The following DAGLA variants were observed in gnomAD, a reference collection of about 807,000 sequenced individuals.
The protein encoded by DAGLA is diacylglycerol lipase alpha.
A neutral mutation model predicts 102.6 loss-of-function variants in DAGLA; 22 were observed. The ratio of observed to expected loss-of-function variants is 0.21; its 90% CI spans 0.15 to 0.31. DAGLA has a LOEUF of 0.31. Ranked by LOEUF, DAGLA falls within the 10% of genes least tolerant of loss-of-function variation. The pLI is 1.00. For synonymous variants in DAGLA, 578 were observed against 628.9 expected (o/e 0.92, Z 1.21); for missense variants, 927 against 1,446.6 (o/e 0.64, Z 5.83).
At position 61,744,555 on chromosome 11, in the gene DAGLA, G is replaced by C. The variant is rs1299705811; in HGVS notation, c.*66G>C. 7.2e-7 allele frequency: 1 copy of C among 1,383,366 alleles called. No individual in the cohort carries two copies. Among genetic ancestry groups the C allele is most frequent in the African/African-American group, 1.4e-5 (1 of 69,094 alleles). 85.7% of individuals were successfully genotyped at this position (1,383,366 alleles called of 1,614,324 possible). ...GTGGCCCTGTGGGCACCTGGTGCCT[G>C]CCCCCTGCCGGGCAGCTTTAAGGAC... is the stretch of plus-strand genomic sequence containing the variant. On this transcript the variant is annotated 3_prime_UTR_variant, in exon 20 of 20. Transcript: ENST00000257215.
At chr11:61,693,540 G>T (rs2065040754) in intron 1 of DAGLA, among the ~76,000 whole-genome samples, 1 of 151,786 alleles carries the variant, frequency 6.6e-6, no homozygotes, top group Non-Finnish European at 1.5e-5. Context: ...GTGGAGACCG[G>T]GTTTCACCAT....
chr11:61,739,610 CG>C lies in DAGLA; in HGVS notation c.1803del (p.Gly603AlafsTer38). ...CTCTCAGCCAGCACTCCACTCTACC[CG>C]CCCGGCCGCATCATCCACGTGGTCC... ...IALSASTPLYPPGRIIHVVHN... is the reference protein window; with the variant it reads ...IALSASTPLYXPGRIIHVVHN... On this transcript the variant is annotated frameshift_variant, in exon 17 of 20. Coordinates refer to ENST00000257215, the MANE Select transcript of DAGLA (RefSeq NM_006133.3). LOFTEE classifies it high-confidence loss of function. 1 of 1,614,130 alleles carries C rather than the reference CG, an allele frequency of 6.2e-7. No individual in the cohort carries two copies. Among genetic ancestry groups the C allele is most frequent in the Non-Finnish European group, 8.5e-7 (1 of 1,180,014 alleles).
At chr11:61,688,056 C>A (rs1210021095) in intron 1 of DAGLA, among the ~76,000 whole-genome samples, 1 of 152,148 alleles carries the variant, frequency 6.6e-6, no homozygotes, top group Non-Finnish European at 1.5e-5. Flanking sequence ...GTGGCTCACA[C>A]CTGTAATCCC....
intron 19 of DAGLA, among the ~76,000 whole-genome samples, chr11:61,742,870 A>C (rs1326459383): frequency 6.7e-6 from 1 of 148,914 alleles, no homozygotes; most frequent in African/African-American, 2.5e-5. Context: ...CAGGCTCATG[A>C]GTGATCTGGG....
At chr11:61,726,444 G>A (rs1376363115) in intron 6 of DAGLA, among the ~76,000 whole-genome samples, 2 of 152,250 alleles carry the variant, frequency 1.3e-5, no homozygotes, top group Non-Finnish European at 1.5e-5. Context: ...TGGCAAAGCC[G>A]ATAGGCGTTT....
chr11:61,726,190 AG>A (rs983038192), intron 6 of DAGLA, 108 bp downstream of exon 6: 24 of 1,071,936 alleles, frequency 2.2e-5, no homozygotes, highest in Middle Eastern at 2.2e-4. Flanking sequence ...GGTGGGAAGG[AG>A]CTGGGTTTCC....
At chr11:61,715,660 T>C (rs2065230552) in intron 1 of DAGLA, among the ~76,000 whole-genome samples, 1 of 152,222 alleles carries the variant, frequency 6.6e-6, no homozygotes, top group Non-Finnish European at 1.5e-5. Context: ...TCAGGGCTTC[T>C]GTTTGCTCAC....
chr11:61,743,188 C>T (rs545523582), intron 19 of DAGLA, among the ~76,000 whole-genome samples: 1 of 152,080 alleles, frequency 6.6e-6, no homozygotes, highest in East Asian at 1.9e-4. Flanking sequence ...CATGGTGAAA[C>T]CCCATCTCTA....
Position 61,690,002 on chromosome 11 carries a change from G to A in DAGLA, c.-45+9498G>A, listed in dbSNP as rs551897236. ...TTCCATGCCATCCTCTCTGGTCTGG[G>A]CAGCCTCTCCAGGGCAATGGGAGTG... On this transcript the variant is annotated intron_variant, in intron 1 of 19. Coordinates refer to ENST00000257215, the MANE Select transcript of DAGLA (RefSeq NM_006133.3). Among the ~76,000 whole-genome samples, 7 of 152,146 alleles carry A rather than the reference G, an allele frequency of 4.6e-5. No homozygotes were observed. The South Asian group carries it at 1.5e-3, about 32-fold the overall frequency.
chr11:61,728,265 A>T lies in DAGLA; in HGVS notation c.749A>T (p.Lys250Met), dbSNP rs2065346599. ...CTGCTCCGGCAGCGGCAGCGGGCCA[A>T]GCGCAACGCCGTGCTGGACGAGGTG... Reference protein sequence around the residue: ...LVLLRQRQRAKRNAVLDEANN... With the variant: ...LVLLRQRQRAMRNAVLDEANN... Residue 250 changes from lysine to methionine, a missense_variant, in exon 7 of 20, where the codon AAG becomes ATG. Lys to Met is a moderately conservative substitution (Grantham distance 95). Transcript: ENST00000257215. The T allele has an allele frequency of 6.2e-7, 1 of 1,613,040 alleles. No individual in the cohort carries two copies. The highest frequency in any genetic ancestry group is 1.1e-5 in the South Asian group (1 of 91,068).
chr11:61,737,942 C>A (rs1033515527), intron 15 of DAGLA, among the ~76,000 whole-genome samples, 187 bp downstream of exon 15: 5 of 152,136 alleles, frequency 3.3e-5, no homozygotes, highest in Non-Finnish European at 5.9e-5. Context: ...TGGCGCCCGC[C>A]CTGCCTGTCC....
chr11:61,714,307 A>G (rs1037141820), intron 1 of DAGLA, among the ~76,000 whole-genome samples: 5 of 152,126 alleles, frequency 3.3e-5, no homozygotes, highest in Non-Finnish European at 5.9e-5. Context: ...CAGGAGTAAA[A>G]TGGGGGCCCA....
chr11:61,744,532 G>T lies in DAGLA; in HGVS notation c.*43G>T. 6.7e-7 allele frequency: 1 copy of T among 1,487,006 alleles called. No individual in the cohort carries two copies. 92.1% of individuals were successfully genotyped at this position (1,487,006 alleles called of 1,614,324 possible). On this transcript the variant is annotated 3_prime_UTR_variant, in exon 20 of 20. Transcript: ENST00000257215. ...CAGCCGGGCCCAGGCAGGAGCAGGT[G>T]GCCCTGTGGGCACCTGGTGCCTGCC...
chr11:61,718,506 A>G (rs1402491517), intron 1 of DAGLA, among the ~76,000 whole-genome samples: 3 of 151,314 alleles, frequency 2.0e-5, no homozygotes, highest in South Asian at 2.1e-4. Context: ...CTCCTGTCCT[A>G]TCGTGTCCAA....
chr11:61,697,334 G>A (rs541443580), intron 1 of DAGLA, among the ~76,000 whole-genome samples: 3 of 152,222 alleles, frequency 2.0e-5, no homozygotes, highest in Non-Finnish European at 4.4e-5. Context: ...CAGGGCGAGG[G>A]AAGGCCTGGC....
At chr11:61,709,325 A>G (rs1031757121) in intron 1 of DAGLA, among the ~76,000 whole-genome samples, 3 of 151,852 alleles carry the variant, frequency 2.0e-5, no homozygotes, top group Non-Finnish European at 4.4e-5. Flanking sequence ...GCTCACTGCA[A>G]CCTCCACCTC....
At position 61,743,664 on chromosome 11, in the gene DAGLA, G is replaced by A. The variant is rs768155767; in HGVS notation, c.2304G>A (p.Ala768=). ...LLLSTQERLA[A]ELQARRAPLA... is the part of the protein sequence containing the mutation. ...TGTCTACCCAGGAGCGGCTGGCGGC[G>A]GAGCTGCAGGCCCGGCGGGCACCAC... The change falls in exon 20 of 20, where the codon GCG becomes GCA. Residue 768 remains alanine, a synonymous_variant. Coordinates refer to ENST00000257215, the MANE Select transcript of DAGLA (RefSeq NM_006133.3). 5.0e-6 allele frequency: 8 copies of A among 1,599,612 alleles called. No individual in the cohort carries two copies. Among genetic ancestry groups the A allele is most frequent in the Admixed American group, 1.7e-5 (1 of 59,598 alleles).
chr11:61,690,689 G>T (rs1385924717), intron 1 of DAGLA, among the ~76,000 whole-genome samples: 1 of 152,150 alleles, frequency 6.6e-6, no homozygotes, highest in Non-Finnish European at 1.5e-5. Flanking sequence ...TTGTAGCTGG[G>T]ACTCAGGTTC....
chr11:61,683,048 A>G (rs764915290), intron 1 of DAGLA, among the ~76,000 whole-genome samples: 2 of 152,192 alleles, frequency 1.3e-5, no homozygotes, highest in Non-Finnish European at 2.9e-5. Flanking sequence ...AATTCCCGAC[A>G]ACAAGCTGCA....
Sources: allele counts gnomAD v4.1 joint callset (sites outside exome capture counted in the v4.1 genomes callset), GRCh38; gene constraint gnomAD v4.1.1; transcripts MANE v1.5; gene names NCBI Gene and HGNC (gene_info 2026-07-23, HGNC 2026-07-21).